CCDC171: variants seen among roughly 807,000 people sequenced by gnomAD.
The protein encoded by CCDC171 is coiled-coil domain-containing protein 171.
CCDC171 carries 177 observed loss-of-function variants against 168.2 expected under a neutral mutation model. That is an observed-to-expected ratio of 1.05 (90% CI 0.93 to 1.19). The LOEUF (loss-of-function observed/expected upper bound fraction) is 1.19, where lower values mean the gene tolerates loss of function less well. CCDC171 is among the 50% of genes most tolerant of loss of function. CCDC171 has a pLI of 0.00. For missense variants in CCDC171, 1,991 were observed against 1,539.0 expected, an observed-to-expected ratio of 1.29 and a Z score of -4.91; for synonymous variants, 687 against 540.8, an observed-to-expected ratio of 1.27 and a Z score of -3.75.
upstream of CCDC171, among the ~76,000 whole-genome samples, chr9:16,038,180 C>A (rs183590271): frequency 7.8e-4 from 118 of 152,182 alleles, no homozygotes; most frequent in African/African-American, 2.6e-3. Flanking sequence ...ATTATATAGC[C>A]AGCTAAACTA....
chr9:15,578,812 C>G (rs1233492490), intron 3 of CCDC171, 37 bp from the exon 4 acceptor site: 1 of 1,565,136 alleles, frequency 6.4e-7, no homozygotes, highest in African/African-American at 1.4e-5. Context: ...ATCTCATAAT[C>G]TTTGGACACA....
Position 15,848,913 on chromosome 9 carries a change from A to G in CCDC171, c.3434A>G (p.Asn1145Ser). Residue 1145 changes from asparagine (N) to serine (S), a missense_variant, in exon 23 of 26, where the codon AAT becomes AGT. Physicochemically the swap from Asn to Ser is conservative, Grantham distance 46 (BLOSUM62 1). Transcript: ENST00000380701. ...TCTAGAGACAAAGAATGTGTTGCTA[A>G]TCACATGAGAGCAGTAGAAAATACG... ...MAAKDKECVA[N>S]HMRAVENTLH... 1 of 1,570,554 alleles carries G rather than the reference A, an allele frequency of 6.4e-7. No homozygotes were observed. Among genetic ancestry groups the G allele is most frequent in the Non-Finnish European group, 8.6e-7 (1 of 1,156,736 alleles).
chr9:15,953,202 T>G (rs1000418077), intron 25 of CCDC171, among the ~76,000 whole-genome samples: 1 of 152,170 alleles, frequency 6.6e-6, no homozygotes, highest in African/African-American at 2.4e-5. Context: ...TGCTAGGCCT[T>G]CCAGTACTAT....
chr9:15,673,219 T>A (rs866882957), intron 9 of CCDC171, among the ~76,000 whole-genome samples: 78 of 152,386 alleles, frequency 5.1e-4, no homozygotes, highest in African/African-American at 1.7e-3. Flanking sequence ...GAGACTTTGC[T>A]GAAGTAGCTT....
chr9:16,015,543 C>G (rs1415678475), intron 3 of CCDC171, among the ~76,000 whole-genome samples: 1 of 152,146 alleles, frequency 6.6e-6, no homozygotes, highest in Non-Finnish European at 1.5e-5. Context: ...CCTATAATTT[C>G]CCACCTCTGT....
chr9:15,578,028 A>G (rs749571567), intron 3 of CCDC171, among the ~76,000 whole-genome samples: 26 of 152,180 alleles, frequency 1.7e-4, no homozygotes, highest in Admixed American at 5.9e-4. Flanking sequence ...ATCCCTGCAA[A>G]ATTGGCACTT....
the CCDC171 span, among the ~76,000 whole-genome samples, chr9:16,072,056 G>A: frequency 6.6e-6 from 1 of 152,226 alleles, no homozygotes; most frequent in Non-Finnish European, 1.5e-5. Flanking sequence ...TTCTTGGAGT[G>A]TGGGAAGTGT....
rs762628145 is a variant in CCDC171 at position 15,779,061 on chromosome 9, A to C, written c.2992A>C (p.Thr998Pro). 6 of 1,605,706 alleles carry C rather than the reference A, an allele frequency of 3.7e-6. No homozygotes were observed. The highest frequency in any genetic ancestry group is 5.1e-6 in the Non-Finnish European group (6 of 1,176,440). ...GCGCCGCTCACTACGCTTAGAGGTC[A>C]CAGAATTCAAACGAAGTGTGAATGA... ...VERRSLRLEV[T>P]EFKRSVNEMK... Residue 998 changes from threonine to proline, a missense_variant, in exon 20 of 26, where the codon ACA becomes CCA. Thr to Pro is a conservative substitution (Grantham distance 38). Coordinates refer to ENST00000380701, the MANE Select transcript of CCDC171 (RefSeq NM_173550.4).
chr9:16,057,104 TCTG>T (rs1177621585), intron 1 of CCDC171, among the ~76,000 whole-genome samples: 1 of 152,254 alleles, frequency 6.6e-6, no homozygotes, highest in African/African-American at 2.4e-5. Context: ...TGTAACAACT[TCTG>T]CTGTTATGAA....
At chr9:16,103,240 G>C in the CCDC171 span, among the ~76,000 whole-genome samples, 2 of 152,180 alleles carry the variant, frequency 1.3e-5, no homozygotes, top group African/African-American at 4.8e-5. Context: ...ATGCTGGCAG[G>C]GTGTGAGAAG....
chr9:15,784,575 G>T lies in CCDC171; in HGVS notation c.3148G>T (p.Glu1050Ter). The change falls in exon 21 of 26, where the codon GAG (glutamate) becomes TAG (stop). Residue 1050 changes from glutamate to a stop codon, truncating the protein, a stop_gained. Coordinates refer to ENST00000380701, the MANE Select transcript of CCDC171 (RefSeq NM_173550.4). LOFTEE classifies it high-confidence loss of function. The part of the protein sequence containing the change: ...EELNNALLRE[E>*]QAQMLLNEQA... ...ACTAAATAATGCATTACTTCGGGAA[G>T]AGCAGGCACAAATGCTATTGAATGA... 2 of 1,613,344 alleles carry T rather than the reference G, an allele frequency of 1.2e-6. No homozygotes were observed. The highest frequency in any genetic ancestry group is 3.3e-5 in the Admixed American group (2 of 59,964).
At chr9:15,626,986 A>G (rs1439897534) in intron 7 of CCDC171, among the ~76,000 whole-genome samples, 3 of 152,156 alleles carry the variant, frequency 2.0e-5, no homozygotes, top group Non-Finnish European at 1.5e-5. Flanking sequence ...TATTGCCTCA[A>G]TTTCAGAGCC....
intron 23 of CCDC171, 28 bp from the exon 24 acceptor site, chr9:15,874,504 A>G (rs1237692139): frequency 1.9e-6 from 3 of 1,568,664 alleles, no homozygotes; most frequent in South Asian, 1.2e-5. Flanking sequence ...AAGGGGAATT[A>G]CCATTGATGC....
At chr9:15,871,811 G>A (rs1380508630) in intron 23 of CCDC171, among the ~76,000 whole-genome samples, 2 of 151,650 alleles carry the variant, frequency 1.3e-5, no homozygotes. Context: ...TCCGTTTCTT[G>A]TCATCTTTCT....
intron 21 of CCDC171, among the ~76,000 whole-genome samples, chr9:15,825,977 T>C (rs2059994881): frequency 6.6e-6 from 1 of 151,940 alleles, no homozygotes; most frequent in African/African-American, 2.4e-5. Flanking sequence ...TTCTCTTTTC[T>C]CTTTCTGGAA....
At chr9:15,839,798 T>C (rs1247471023) in intron 21 of CCDC171, among the ~76,000 whole-genome samples, 3 of 152,106 alleles carry the variant, frequency 2.0e-5, no homozygotes, top group Admixed American at 6.5e-5. Context: ...CTGTCTAGAA[T>C]TTTTTCCCCC....
At chr9:15,613,074 CAG>C (rs1268814406) in intron 6 of CCDC171, among the ~76,000 whole-genome samples, 1 of 152,130 alleles carries the variant, frequency 6.6e-6, no homozygotes, top group Non-Finnish European at 1.5e-5. Context: ...GGTATATACT[CAG>C]TATTAGAATT....
chr9:15,630,971 A>T (rs2045632773), intron 7 of CCDC171, among the ~76,000 whole-genome samples: 1 of 152,230 alleles, frequency 6.6e-6, no homozygotes, highest in Admixed American at 6.5e-5. Context: ...CTTTGAAACC[A>T]ACGAGAACAA....
At chr9:15,881,814 G>T (rs1199866299) in intron 24 of CCDC171, among the ~76,000 whole-genome samples, 3 of 152,172 alleles carry the variant, frequency 2.0e-5, no homozygotes, top group Non-Finnish European at 4.4e-5. Flanking sequence ...CTAATTCATT[G>T]TGTATATCTA....
Sources: allele counts gnomAD v4.1 joint callset (sites outside exome capture counted in the v4.1 genomes callset), GRCh38; gene constraint gnomAD v4.1.1; transcripts MANE v1.5; gene names NCBI Gene and HGNC (gene_info 2026-07-23, HGNC 2026-07-21).